SPIDR: variants seen among roughly 807,000 people sequenced by gnomAD.
The protein encoded by SPIDR is scaffold protein involved in DNA repair.
In SPIDR, 93 loss-of-function variants were observed where a neutral mutation model predicts 104.6. That is an observed-to-expected ratio of 0.89 (90% confidence interval 0.75 to 1.06). The LOEUF is 1.06. Among genes scored for constraint, SPIDR ranks in the 50% least tolerant of loss-of-function variants. SPIDR has a pLI of 0.00. For synonymous variants in SPIDR, 431 were observed against 416.9 expected, an observed-to-expected ratio of 1.03 and a Z score of -0.41; for missense variants, 1,154 against 1,111.2, an observed-to-expected ratio of 1.04 and a Z score of -0.55.
intron 8 of SPIDR, among the ~76,000 whole-genome samples, chr8:47,553,029 T>C (rs2090796445): frequency 6.6e-6 from 1 of 152,160 alleles, no homozygotes; most frequent in Non-Finnish European, 1.5e-5. Flanking sequence ...GAAGCTTAGT[T>C]TGGCTGGGTA....
At chr8:47,341,236 C>G (rs2050708637) in intron 5 of SPIDR, among the ~76,000 whole-genome samples, 1 of 152,214 alleles carries the variant, frequency 6.6e-6, no homozygotes, top group Non-Finnish European at 1.5e-5. Context: ...GATAACCTTT[C>G]CTGACATATT....
At chr8:47,269,512 T>C (rs991639494) in intron 1 of SPIDR, among the ~76,000 whole-genome samples, 5 of 147,280 alleles carry the variant, frequency 3.4e-5, no homozygotes, top group East Asian at 2.0e-4. Context: ...CACCTTGGCC[T>C]CCCAAAGTTC....
intron 5 of SPIDR, among the ~76,000 whole-genome samples, chr8:47,323,256 A>G (rs1393445036): frequency 2.0e-5 from 3 of 152,154 alleles, no homozygotes; most frequent in African/African-American, 7.2e-5. Flanking sequence ...TTTGCATAAT[A>G]TTCTGTGTGA....
chr8:47,658,375 G>A (rs2073338260), intron 10 of SPIDR, among the ~76,000 whole-genome samples: 1 of 151,020 alleles, frequency 6.6e-6, no homozygotes, highest in African/African-American at 2.4e-5. Flanking sequence ...CCGAGATTGC[G>A]CCATTGCACT....
At chr8:47,572,712 C>A (rs2058677771) in intron 8 of SPIDR, among the ~76,000 whole-genome samples, 1 of 94,794 alleles carries the variant, frequency 1.1e-5, no homozygotes, top group Admixed American at 1.1e-4. Context: ...AAATAAATAA[C>A]TTGTACGATT....
intron 10 of SPIDR, among the ~76,000 whole-genome samples, chr8:47,667,162 T>C (rs539428279): frequency 5.5e-4 from 83 of 152,156 alleles, no homozygotes; most frequent in African/African-American, 1.8e-3. Flanking sequence ...ACGCCTGTAG[T>C]CCCAGCTACT....
At chr8:47,575,972 A>G (rs1032311198) in intron 8 of SPIDR, among the ~76,000 whole-genome samples, 1 of 149,534 alleles carries the variant, frequency 6.7e-6, no homozygotes, top group Non-Finnish European at 1.5e-5. Context: ...AAAAAAAAAA[A>G]GTTTCTTTTT....
At chr8:47,264,114 AATGAT>A (rs1192694663) in intron 1 of SPIDR, among the ~76,000 whole-genome samples, 1 of 152,224 alleles carries the variant, frequency 6.6e-6, no homozygotes, top group Non-Finnish European at 1.5e-5. Context: ...AGTACAGCTG[AATGAT>A]TTTGCAGTTT....
intron 8 of SPIDR, among the ~76,000 whole-genome samples, chr8:47,551,733 A>G (rs1246863572): frequency 6.6e-6 from 1 of 152,082 alleles, no homozygotes; most frequent in South Asian, 2.1e-4. Context: ...TCCTGGATTC[A>G]TTAATTTTTT....
At chr8:47,451,158 T>C (rs1289100574) in intron 8 of SPIDR, among the ~76,000 whole-genome samples, 1 of 152,114 alleles carries the variant, frequency 6.6e-6, no homozygotes, top group African/African-American at 2.4e-5. Flanking sequence ...AGGGAACCCA[T>C]AGATAAATAA....
chr8:47,454,598 A>G (rs553810971), intron 8 of SPIDR, among the ~76,000 whole-genome samples: 3 of 152,298 alleles, frequency 2.0e-5, no homozygotes, highest in Non-Finnish European at 4.4e-5. Context: ...ACAAACCTGC[A>G]CATGGTATAC....
At chr8:47,301,583 T>C (rs1350691338) in intron 5 of SPIDR, among the ~76,000 whole-genome samples, 2 of 149,162 alleles carry the variant, frequency 1.3e-5, no homozygotes, top group African/African-American at 5.0e-5. Context: ...TGGCTGGTAC[T>C]GGTTGTTCCT....
chr8:47,471,255 G>T (rs1586275039), intron 8 of SPIDR, among the ~76,000 whole-genome samples: 1 of 146,422 alleles, frequency 6.8e-6, no homozygotes, highest in East Asian at 2.1e-4. Context: ...AGTGTGAAAA[G>T]ATTTTCAAAT....
intron 10 of SPIDR, among the ~76,000 whole-genome samples, chr8:47,622,635 G>C (rs913507795): frequency 6.6e-6 from 1 of 152,138 alleles, no homozygotes; most frequent in Non-Finnish European, 1.5e-5. Flanking sequence ...GTTAGCATCT[G>C]TACTACAGAT....
intron 10 of SPIDR, among the ~76,000 whole-genome samples, chr8:47,606,801 G>A (rs1350759889): frequency 1.3e-5 from 2 of 152,168 alleles, no homozygotes; most frequent in African/African-American, 4.8e-5. Context: ...TCTTCTCCCT[G>A]GTTGTGAACC....
intron 5 of SPIDR, among the ~76,000 whole-genome samples, chr8:47,351,684 T>A (rs1554622468): frequency 6.6e-6 from 1 of 152,180 alleles, no homozygotes. Flanking sequence ...TTCTACAAAG[T>A]TCCAAAAAAC....
intron 6 of SPIDR, among the ~76,000 whole-genome samples, chr8:47,402,631 CA>C (rs1177687949): frequency 6.6e-6 from 1 of 152,108 alleles, no homozygotes; most frequent in Non-Finnish European, 1.5e-5. Flanking sequence ...AGCACACATA[CA>C]CCCTCACCAG....
intron 8 of SPIDR, among the ~76,000 whole-genome samples, chr8:47,521,191 A>G (rs1260138075): frequency 6.6e-6 from 1 of 152,192 alleles, no homozygotes; most frequent in Non-Finnish European, 1.5e-5. Flanking sequence ...TTCCAAGGCA[A>G]AGTTGAGGTC....
At chr8:47,322,690 G>C (rs6990123) in intron 5 of SPIDR, among the ~76,000 whole-genome samples, 1 of 151,970 alleles carries the variant, frequency 6.6e-6, no homozygotes, top group Non-Finnish European at 1.5e-5. Flanking sequence ...AGCCAAGCCA[G>C]ATGTCCAACA....
Sources: gnomAD v4.1 joint callset for allele counts (sites outside exome capture counted in the v4.1 genomes callset) on GRCh38, gnomAD v4.1.1 for gene constraint, MANE v1.5 for transcripts, NCBI Gene and HGNC (gene_info 2026-07-23, HGNC 2026-07-21) for gene names.